The following TMEM177 variants were observed in gnomAD, a reference collection of about 807,000 sequenced individuals.
TMEM177 encodes transmembrane protein 177.
In TMEM177, 4 loss-of-function variants were observed where a neutral mutation model predicts 14.2. The observed-to-expected ratio is 0.28, with a 90% confidence interval of 0.14 to 0.64. The LOEUF is 0.64. Among genes scored for constraint, TMEM177 ranks in the 30% least tolerant of loss-of-function variants. TMEM177 has a pLI of 0.82. For missense variants in TMEM177, 344 were observed against 405.2 expected, an observed-to-expected ratio of 0.85 and a Z score of 1.30; for synonymous variants, 179 against 174.5, an observed-to-expected ratio of 1.03 and a Z score of -0.20.
rs1380085953 is a variant in TMEM177 at position 119,681,222 on chromosome 2, C to CGTATGG, written c.369_370insGTATGG (p.Val123_Ile124insValTrp). The CGTATGG allele has an allele frequency of 1.1e-5, 17 of 1,614,148 alleles. No homozygotes were observed. Among genetic ancestry groups the CGTATGG allele is most frequent in the Non-Finnish European group, 1.3e-5 (15 of 1,180,052 alleles). ...TGATCAACACTAACCATCCCGTGGT[C>CGTATGG]ATACATGGGCATACAGTGGACTGGC... On this transcript the variant is annotated inframe_insertion, in exon 2 of 2. Transcript: ENST00000272521.
chr2:119,695,600 C>T, the TMEM177 span, among the ~76,000 whole-genome samples: 1 of 152,282 alleles, frequency 6.6e-6, no homozygotes, highest in Non-Finnish European at 1.5e-5. Flanking sequence ...GGGAGGCCTG[C>T]GGGCTGAGAA....
At chr2:119,697,930 A>T in the TMEM177 span, among the ~76,000 whole-genome samples, 1 of 152,242 alleles carries the variant, frequency 6.6e-6, no homozygotes, top group East Asian at 1.9e-4. Context: ...CACCCTCTTC[A>T]TAGGGGAGAG....
At chr2:119,702,916 G>A in the TMEM177 span, among the ~76,000 whole-genome samples, 1 of 152,210 alleles carries the variant, frequency 6.6e-6, no homozygotes, top group Non-Finnish European at 1.5e-5. Flanking sequence ...TCAGGGGGCT[G>A]GTACCAGAGC....
rs1688923030 is a variant in TMEM177 at position 119,682,097 on chromosome 2, A to T, written c.*308A>T. On this transcript the variant is annotated 3_prime_UTR_variant, in exon 2 of 2. Transcript: ENST00000272521. Reference sequence around the variant, plus strand: ...GGGCCTGGCACAAAGGGTGCACTGTAAATAAACAGACATCCCTCCTTCTTG... The same window carrying T: ...GGGCCTGGCACAAAGGGTGCACTGTTAATAAACAGACATCCCTCCTTCTTG... The T allele has an allele frequency of 3.3e-6, 1 of 301,140 alleles. No individual in the cohort carries two copies. Among genetic ancestry groups the T allele is most frequent in the African/African-American group, 2.2e-5 (1 of 45,836 alleles). 18.7% of individuals were successfully genotyped at this position (301,140 alleles called of 1,614,324 possible).
chr2:119,680,701 G>T, intron 1 of TMEM177, 131 bp from the exon 2 acceptor site: 1 of 689,076 alleles, frequency 1.5e-6, no homozygotes, highest in African/African-American at 1.8e-5. Flanking sequence ...AGGCACTCTG[G>T]CTCTAGAGCC....
At chr2:119,689,314 G>A (rs1236877817), downstream of TMEM177, among the ~76,000 whole-genome samples, 1 of 152,142 alleles carries the variant, frequency 6.6e-6, no homozygotes, top group African/African-American at 2.4e-5. Context: ...AGACTGACAA[G>A]TACACCTGCA....
At chr2:119,703,106 G>A in the TMEM177 span, among the ~76,000 whole-genome samples, 2 of 152,212 alleles carry the variant, frequency 1.3e-5, no homozygotes, top group Non-Finnish European at 2.9e-5. Context: ...AGAGAGCTAG[G>A]AGCGCCTCCT....
chr2:119,721,917 G>T, the TMEM177 span, among the ~76,000 whole-genome samples: 50 of 152,292 alleles, frequency 3.3e-4, no homozygotes, highest in East Asian at 8.3e-3. Flanking sequence ...GTCACATAAT[G>T]ATTGGTTTAA....
chr2:119,708,375 T>A, the TMEM177 span, among the ~76,000 whole-genome samples: 3,001 of 152,168 alleles, frequency 0.02, 104 homozygotes, highest in African/African-American at 0.068. Flanking sequence ...CTCTGAAAAA[T>A]AAGGACATTT....
downstream of TMEM177, among the ~76,000 whole-genome samples, chr2:119,685,366 C>T (rs764332213): frequency 4.6e-5 from 7 of 152,032 alleles, no homozygotes; most frequent in Non-Finnish European, 8.8e-5. Flanking sequence ...GCCTCAGTCC[C>T]CACCAGTGTC....
At chr2:119,703,815 C>T in the TMEM177 span, among the ~76,000 whole-genome samples, 1 of 152,196 alleles carries the variant, frequency 6.6e-6, no homozygotes, top group Admixed American at 6.5e-5. Flanking sequence ...CTGCAGCTTC[C>T]ACTGGGCAGC....
chr2:119,715,400 A>G, the TMEM177 span, among the ~76,000 whole-genome samples: 1 of 152,062 alleles, frequency 6.6e-6, no homozygotes, highest in African/African-American at 2.4e-5. Flanking sequence ...ACAGAGAGAA[A>G]AAGAGAGAGA....
At chr2:119,685,810 G>C (rs1574271974), downstream of TMEM177, 2 of 704,208 alleles carry the variant, frequency 2.8e-6, no homozygotes, top group Admixed American at 2.1e-5. Context: ...AAAGTTTCAT[G>C]GTGCAGACTT....
the TMEM177 span, among the ~76,000 whole-genome samples, chr2:119,719,873 A>C: frequency 6.6e-6 from 1 of 152,174 alleles, no homozygotes; most frequent in Non-Finnish European, 1.5e-5. Context: ...AGCTCACTGC[A>C]GATTCGAACT....
At chr2:119,693,460 G>A in the TMEM177 span, among the ~76,000 whole-genome samples, 117 of 152,266 alleles carry the variant, frequency 7.7e-4, 1 homozygote, top group Middle Eastern at 6.8e-3. Flanking sequence ...GTTGGGTCAG[G>A]TTTTGGAGAA....
the TMEM177 span, among the ~76,000 whole-genome samples, chr2:119,716,244 C>G: frequency 1.3e-5 from 2 of 152,328 alleles, no homozygotes; most frequent in Admixed American, 1.3e-4. Flanking sequence ...TCCCACCAGA[C>G]TTCCACGTGG....
At chr2:119,682,578 C>T (rs868142461), downstream of TMEM177, among the ~76,000 whole-genome samples, 37 of 152,094 alleles carry the variant, frequency 2.4e-4, no homozygotes, top group African/African-American at 8.0e-4. Context: ...GAGACCAGCA[C>T]GTGCCAGGAG....
chr2:119,717,035 G>C, the TMEM177 span, among the ~76,000 whole-genome samples: 18 of 152,094 alleles, frequency 1.2e-4, no homozygotes, highest in Non-Finnish European at 2.2e-4. Context: ...TTTTCCGTCA[G>C]TTTCTCTTTA....
At chr2:119,694,595 T>C in the TMEM177 span, among the ~76,000 whole-genome samples, 3 of 152,226 alleles carry the variant, frequency 2.0e-5, no homozygotes, top group African/African-American at 7.2e-5. Context: ...ATCCTCCTCC[T>C]GGCCCCTTTG....
Sources: gnomAD v4.1 joint callset for allele counts (sites outside exome capture counted in the v4.1 genomes callset) on GRCh38, gnomAD v4.1.1 for gene constraint, MANE v1.5 for transcripts, NCBI Gene and HGNC (gene_info 2026-07-23, HGNC 2026-07-21) for gene names.